KNSTRN: variants seen among roughly 807,000 people sequenced by gnomAD.
The protein encoded by KNSTRN is kinetochore localized astrin (SPAG5) binding protein, also known as small kinetochore-associated protein.
In KNSTRN, 38 loss-of-function variants were observed where a neutral mutation model predicts 44.7. That is an observed-to-expected ratio of 0.85 (90% CI 0.66 to 1.11). KNSTRN has a LOEUF of 1.11. Ranked by LOEUF, KNSTRN falls within the 50% of genes most tolerant of loss-of-function variation. KNSTRN has a pLI of 0.00. For synonymous variants in KNSTRN, 158 were observed against 148.1 expected, an observed-to-expected ratio of 1.07 and a Z score of -0.48; for missense variants, 406 against 375.8, an observed-to-expected ratio of 1.08 and a Z score of -0.66.
At chr15:40,385,755 C>T (rs1391325238) in intron 2 of KNSTRN, among the ~76,000 whole-genome samples, 1 of 152,208 alleles carries the variant, frequency 6.6e-6, no homozygotes, top group Non-Finnish European at 1.5e-5. Context: ...CATGTTTTAC[C>T]TGCTAACTTC....
chr15:40,389,682 C>T (rs1444568635), intron 5 of KNSTRN, 71 bp downstream of exon 5: 1 of 1,336,030 alleles, frequency 7.5e-7, no homozygotes, highest in African/African-American at 1.5e-5. Flanking sequence ...ATGGGTGGCC[C>T]CTTGGATGAG....
rs760933341 is a variant in KNSTRN, at chr15:40,389,496, A to G, written c.486-10A>G. On this transcript the variant is annotated splice_polypyrimidine_tract_variant and intron_variant, in intron 4 of 8. Coordinates refer to ENST00000249776, the MANE Select transcript of KNSTRN (RefSeq NM_033286.4). ...TTTATCTTTTCATGTAAGTACAACT[A>G]TTATTACAGCTACAAACCACTGAGT... 4.7e-5 allele frequency: 75 copies of G among 1,603,282 alleles called. No homozygotes were observed. Among genetic ancestry groups the G allele is most frequent in the Non-Finnish European group, 6.2e-5 (72 of 1,170,334 alleles).
intron 2 of KNSTRN, among the ~76,000 whole-genome samples, chr15:40,385,851 A>G (rs1438424345): frequency 6.6e-6 from 1 of 152,218 alleles, no homozygotes; most frequent in Non-Finnish European, 1.5e-5. Flanking sequence ...GCTACCCTCA[A>G]ACATGCTGTA....
chr15:40,393,726 C>T lies in KNSTRN; in HGVS notation c.*129C>T, dbSNP rs1890043384. 1 of 859,532 alleles carries T rather than the reference C, an allele frequency of 1.2e-6. No homozygotes were observed. The highest frequency in any genetic ancestry group is 1.8e-6 in the Non-Finnish European group (1 of 570,542). 53.2% of individuals were successfully genotyped at this position (859,532 alleles called of 1,614,324 possible). A position where few individuals can be genotyped will look rare whatever the true frequency, so the allele number is the denominator to read the frequency against. ...GAATGAAAACAATTTCTACAGTAGACTTAAGGACAGTTTATGCTGAAATGG... is the reference window on the plus strand; with the variant it reads ...GAATGAAAACAATTTCTACAGTAGATTTAAGGACAGTTTATGCTGAAATGG... On this transcript the variant is annotated 3_prime_UTR_variant, in exon 9 of 9. Coordinates refer to ENST00000249776, the MANE Select transcript of KNSTRN (RefSeq NM_033286.4).
Position 40,383,230 on chromosome 15 carries a change from T to A in KNSTRN, c.212T>A (p.Val71Asp), listed in dbSNP as rs777525170. The A allele has an allele frequency of 2.5e-6, 4 of 1,613,762 alleles. No homozygotes were observed. Among genetic ancestry groups the A allele is most frequent in the Non-Finnish European group, 2.5e-6 (3 of 1,179,680 alleles). The change falls in exon 2 of 9, where the codon GTT (valine) becomes GAT (aspartate). Residue 71 changes from valine (V) to aspartate (D), a missense_variant and splice_region_variant. Coordinates refer to ENST00000249776, the MANE Select transcript of KNSTRN (RefSeq NM_033286.4). ...DCGQDRRAPG[V>D]QPCRLVTMTS... ...AACATTCATCCTGTACCTTCCAGGGTTCAGCCGTGCCGCCTCGTTACGATG... is the reference window on the plus strand; with the variant it reads ...AACATTCATCCTGTACCTTCCAGGGATCAGCCGTGCCGCCTCGTTACGATG...
chr15:40,391,866 G>T, intron 7 of KNSTRN, 83 bp from the exon 8 acceptor site: 1 of 1,054,564 alleles, frequency 9.5e-7, no homozygotes, highest in South Asian at 1.5e-5. Context: ...GTTGAGAACT[G>T]TGTGGAAAGG....
chr15:40,391,461 C>G, intron 6 of KNSTRN, 32 bp from the exon 7 acceptor site: 1 of 1,592,182 alleles, frequency 6.3e-7, no homozygotes, highest in Non-Finnish European at 8.6e-7. Flanking sequence ...GTGTAGTTCC[C>G]TAAGTGAGAT....
Position 40,389,492 on chromosome 15 carries a change from A to C in KNSTRN, c.486-14A>C, listed in dbSNP as rs745588971. On this transcript the variant is annotated splice_polypyrimidine_tract_variant and intron_variant, in intron 4 of 8. Coordinates refer to ENST00000249776, the MANE Select transcript of KNSTRN (RefSeq NM_033286.4). Reference sequence around the variant, plus strand: ...CCCTTTTATCTTTTCATGTAAGTACAACTATTATTACAGCTACAAACCACT... The same window carrying C: ...CCCTTTTATCTTTTCATGTAAGTACCACTATTATTACAGCTACAAACCACT... 57 of 1,595,972 alleles carry C rather than the reference A, an allele frequency of 3.6e-5. No individual in the cohort carries two copies. The highest frequency in any genetic ancestry group is 4.8e-5 in the Non-Finnish European group (56 of 1,163,756).
chr15:40,389,284 G>C (rs1443287658), intron 4 of KNSTRN: 6 of 506,728 alleles, frequency 1.2e-5, no homozygotes, highest in African/African-American at 9.8e-5. Flanking sequence ...AAATACCTGG[G>C]ATTACAGGCA....
At chr15:40,389,725 G>GA (rs1194778441) in intron 5 of KNSTRN, 111 bp from the exon 6 acceptor site, 1,969 of 1,296,158 alleles carry the variant, frequency 1.5e-3, no homozygotes, top group Non-Finnish European at 1.9e-3. Flanking sequence ...CCCAAGGGCA[G>GA]AAAAAAAAAG....
chr15:40,386,234 TA>T, intron 2 of KNSTRN, 127 bp from the exon 3 acceptor site: 2 of 1,028,146 alleles, frequency 1.9e-6, no homozygotes, highest in Non-Finnish European at 1.3e-6. Flanking sequence ...CTCAAAAAAA[TA>T]AATAATACTT....
intron 8 of KNSTRN, 168 bp from the exon 9 acceptor site, chr15:40,393,301 A>C: frequency 6.2e-7 from 1 of 1,610,626 alleles, no homozygotes; most frequent in African/African-American, 1.3e-5. Context: ...CAATTCCTAA[A>C]ACCAGTGCAT....
At chr15:40,390,504 C>T (rs1889979943) in intron 6 of KNSTRN, among the ~76,000 whole-genome samples, 1 of 152,206 alleles carries the variant, frequency 6.6e-6, no homozygotes, top group Non-Finnish European at 1.5e-5. Flanking sequence ...AAGAGGGCCT[C>T]AGACTGAGTC....
intron 4 of KNSTRN, chr15:40,389,258 C>A: frequency 2.0e-6 from 1 of 490,158 alleles, no homozygotes; most frequent in Non-Finnish European, 3.9e-6. Context: ...AAGCGATTAT[C>A]CTGCCTCAGC....
At chr15:40,393,375 TA>T in intron 8 of KNSTRN, 93 bp from the exon 9 acceptor site, 2 of 1,590,748 alleles carry the variant, frequency 1.3e-6, no homozygotes, top group Middle Eastern at 1.7e-4. Flanking sequence ...CTTAGTGGAA[TA>T]GGAGCATAAT....
intron 5 of KNSTRN, 57 bp downstream of exon 5, chr15:40,389,668 C>T: frequency 1.5e-6 from 2 of 1,376,434 alleles, no homozygotes; most frequent in South Asian, 2.3e-5. Context: ...CACATGGAAT[C>T]CTGATGGGTG....
In KNSTRN at chr15:40,382,975, C is replaced by T. The variant is rs199715714; in HGVS notation, c.140C>T (p.Thr47Met). Residue 47 changes from threonine to methionine, a missense_variant, in exon 1 of 9, where the codon ACG (threonine) becomes ATG (methionine). Coordinates refer to ENST00000249776, the MANE Select transcript of KNSTRN (RefSeq NM_033286.4). ...ETQAADLAGG[T>M]TVAAGNLLNE... ...CAGGCGGCCGACTTAGCCGGTGGCA[C>T]GACAGTTGCTGCAGGGAATCTTTTA... The T allele has an allele frequency of 6.2e-7, 1 of 1,612,210 alleles. No homozygotes were observed. Among genetic ancestry groups the T allele is most frequent in the Non-Finnish European group, 8.5e-7 (1 of 1,180,034 alleles).
Position 40,383,034 on chromosome 15 carries a change from C to T in KNSTRN, c.199C>T (p.Arg67Trp), listed in dbSNP as rs879015602. The T allele has an allele frequency of 6.2e-7, 1 of 1,610,610 alleles. No homozygotes were observed. The highest frequency in any genetic ancestry group is 1.7e-5 in the Admixed American group (1 of 60,036). ...CGAGAAGGACTGCGGGCAGGACCGG[C>T]GGGCTCCTGGGTTCGGCTCTCCCGG... The part of the protein sequence containing the change: ...ESEKDCGQDR[R>W]APGVQPCRLV... Residue 67 changes from arginine (R) to tryptophan (W), a missense_variant, in exon 1 of 9, where the codon CGG becomes TGG. Transcript: ENST00000249776.
At chr15:40,389,647 A>G in intron 5 of KNSTRN, 36 bp downstream of exon 5, 2 of 1,494,948 alleles carry the variant, frequency 1.3e-6, no homozygotes, top group Non-Finnish European at 1.9e-6. Flanking sequence ...ACCAGCTGCC[A>G]CTGGGCGATC....
Sources: gnomAD v4.1 joint callset for allele counts (sites outside exome capture counted in the v4.1 genomes callset) on GRCh38, gnomAD v4.1.1 for gene constraint, MANE v1.5 for transcripts, NCBI Gene and HGNC (gene_info 2026-07-23, HGNC 2026-07-21) for gene names.